CHID1: variants seen among roughly 807,000 people sequenced by gnomAD.
The protein encoded by CHID1 is chitinase domain containing 1, also known as chitinase domain-containing protein 1.
In CHID1, 44 loss-of-function variants were observed where a neutral mutation model predicts 55.4. The ratio of observed to expected loss-of-function variants is 0.79; its 90% CI spans 0.62 to 1.02. The LOEUF is 1.02. Ranked by LOEUF, CHID1 falls within the 50% of genes least tolerant of loss-of-function variation. CHID1 has a pLI of 0.00. For missense variants in CHID1, 491 were observed against 515.3 expected (o/e 0.95, Z 0.46); for synonymous variants, 216 against 212.9 (o/e 1.01, Z -0.13).
In CHID1 at chr11:869,880, T is replaced by G; in HGVS notation, c.1160A>C (p.Asp387Ala). The G allele has an allele frequency of 6.2e-7, 1 of 1,612,928 alleles. No individual in the cohort carries two copies. The highest frequency in any genetic ancestry group is 1.1e-5 in the South Asian group (1 of 91,066). Residue 387 changes from aspartate (D) to alanine (A), a missense_variant, in exon 13 of 13, where the codon GAC becomes GCC. Physicochemically the swap from Asp to Ala is moderately radical, Grantham distance 126. Coordinates refer to ENST00000323578, the MANE Select transcript of CHID1 (RefSeq NM_023947.4). ...CACCTAGAGCAGGTCGTAGAAGTAG[T>G]CCAGGCCCTGGCCCAGCTCCCAGAT... is the stretch of plus-strand genomic sequence containing the variant. ...VSIWELGQGL[D>A]YFYDLL
Position 869,908 on chromosome 11 carries a change from A to G in CHID1, c.1132T>C (p.Ser378Pro). 6.2e-7 allele frequency: 1 copy of G among 1,612,892 alleles called. No homozygotes were observed. Among genetic ancestry groups the G allele is most frequent in the Non-Finnish European group, 8.5e-7 (1 of 1,179,888 alleles). The part of the protein sequence containing the change: ...ELARELGVGV[S>P]IWELGQGLDY... ...AGGCCCTGGCCCAGCTCCCAGATAG[A>G]GACCCCAACGCCCAGCTCCCGGGCC... Residue 378 changes from serine (S) to proline (P), a missense_variant, in exon 13 of 13, where the codon TCT becomes CCT. Physicochemically the swap from Ser to Pro is moderately conservative, Grantham distance 74. Transcript: ENST00000323578.
chr11:879,950 C>T (rs1456146006), intron 10 of CHID1, among the ~76,000 whole-genome samples: 1 of 152,216 alleles, frequency 6.6e-6, no homozygotes, highest in African/African-American at 2.4e-5. Context: ...CCAGAGCCTT[C>T]CCAGGATTCC....
chr11:887,746 G>T (rs1046330087), intron 8 of CHID1, among the ~76,000 whole-genome samples: 1 of 152,142 alleles, frequency 6.6e-6, no homozygotes, highest in Non-Finnish European at 1.5e-5. Context: ...AGACATGTGG[G>T]GTCCTGCCGT....
intron 5 of CHID1, among the ~76,000 whole-genome samples, chr11:900,660 G>A (rs747234448): frequency 1.3e-5 from 2 of 152,158 alleles, no homozygotes; most frequent in Admixed American, 6.5e-5. Context: ...AATGAAGGAA[G>A]AAATGGGATT....
At chr11:874,042 G>A (rs1849341354) in intron 10 of CHID1, among the ~76,000 whole-genome samples, 1 of 152,160 alleles carries the variant, frequency 6.6e-6, no homozygotes, top group African/African-American at 2.4e-5. Context: ...TGTGTGTGGG[G>A]GGCGTCACCC....
rs753729194 is a variant in CHID1, at chr11:904,825, T to C, written c.-9A>G. ...TTGAAGAGTGTCCGCATGGTAGGTG[T>C]GTCACAGTAGGGTCCAACCTCGGGG... On this transcript the variant is annotated 5_prime_UTR_variant, in exon 2 of 13. Coordinates refer to ENST00000323578, the MANE Select transcript of CHID1 (RefSeq NM_023947.4). 6.2e-7 allele frequency: 1 copy of C among 1,613,616 alleles called. No homozygotes were observed. Among genetic ancestry groups the C allele is most frequent in the Non-Finnish European group, 8.5e-7 (1 of 1,179,966 alleles).
chr11:889,691 C>CA (rs1850658355), intron 8 of CHID1, among the ~76,000 whole-genome samples: 1 of 152,188 alleles, frequency 6.6e-6, no homozygotes, highest in Admixed American at 6.5e-5. Context: ...AGCCAGGCCC[C>CA]ACAGCAGCCC....
At chr11:885,577 C>G (rs1850330457) in intron 8 of CHID1, among the ~76,000 whole-genome samples, 1 of 152,180 alleles carries the variant, frequency 6.6e-6, no homozygotes, top group Non-Finnish European at 1.5e-5. Context: ...CCATCACTCC[C>G]GGTGGCCTCC....
chr11:895,406 C>T (rs1851187688), intron 7 of CHID1, among the ~76,000 whole-genome samples: 1 of 152,150 alleles, frequency 6.6e-6, no homozygotes, highest in Admixed American at 6.5e-5. Flanking sequence ...AGGTGTGAGT[C>T]AGGTCTACCC....
chr11:887,143 C>A (rs1038766852), intron 8 of CHID1, among the ~76,000 whole-genome samples: 5 of 152,146 alleles, frequency 3.3e-5, no homozygotes, highest in African/African-American at 1.2e-4. Context: ...TCAAGCTCCT[C>A]CTCTCAGCCT....
At chr11:910,275 G>A (rs921308610) in intron 1 of CHID1, among the ~76,000 whole-genome samples, 1 of 152,058 alleles carries the variant, frequency 6.6e-6, no homozygotes, top group East Asian at 1.9e-4. Flanking sequence ...CACGGGGACC[G>A]CGTGCCCCTC....
chr11:884,280 G>A (rs986626997), intron 8 of CHID1, 111 bp from the exon 9 acceptor site: 12 of 740,528 alleles, frequency 1.6e-5, no homozygotes, highest in Non-Finnish European at 2.5e-5. Flanking sequence ...TTTTCCCAAG[G>A]GGAAAAGTGT....
intron 7 of CHID1, among the ~76,000 whole-genome samples, chr11:894,463 C>T (rs2009571850): frequency 6.6e-6 from 1 of 152,160 alleles, no homozygotes; most frequent in Non-Finnish European, 1.5e-5. Flanking sequence ...CATGAGTCTA[C>T]CCTGCAGGTG....
At chr11:871,995 AC>A (rs934299187) in intron 10 of CHID1, among the ~76,000 whole-genome samples, 1 of 151,526 alleles carries the variant, frequency 6.6e-6, no homozygotes, top group South Asian at 2.1e-4. Context: ...AGCAGCTGCC[AC>A]CCCCCCAGCA....
At chr11:914,681 C>T, upstream of CHID1, 4 of 570,332 alleles carry the variant, frequency 7.0e-6, no homozygotes, top group Non-Finnish European at 8.4e-6. Flanking sequence ...TGTGATTGCA[C>T]TGCTGCACTC....
chr11:883,782 G>A (rs1428902836), intron 9 of CHID1, among the ~76,000 whole-genome samples: 4 of 152,258 alleles, frequency 2.6e-5, no homozygotes, highest in Admixed American at 1.3e-4. Flanking sequence ...TGGCTCAGGC[G>A]AAAGAGGACA....
chr11:880,705 C>T lies in CHID1; in HGVS notation c.959+2443G>A, dbSNP rs115589930. On this transcript the variant is annotated intron_variant, in intron 10 of 12. Transcript: ENST00000323578. ...ATCAGGGGTGATGGCCTGGCCTCGG[C>T]TCACCTGCCTGGGCTGACACACGCA... is the stretch of plus-strand genomic sequence containing the variant. 1.6e-3 allele frequency among the ~76,000 whole-genome samples: 251 copies of T among 152,222 alleles called. 4 individuals carry two copies. The highest frequency in any genetic ancestry group is 5.9e-3 in the African/African-American group (243 of 41,528).
At chr11:890,496 C>T (rs569050155) in intron 8 of CHID1, among the ~76,000 whole-genome samples, 12 of 152,328 alleles carry the variant, frequency 7.9e-5, no homozygotes, top group South Asian at 6.2e-4. Flanking sequence ...ACAACAAGGC[C>T]GGCAACGGCG....
chr11:872,861 G>A (rs953756379), intron 10 of CHID1, among the ~76,000 whole-genome samples: 1 of 152,172 alleles, frequency 6.6e-6, no homozygotes, highest in African/African-American at 2.4e-5. Context: ...CCTCCTGGGG[G>A]GCCTCTGTGG....
Sources: allele counts gnomAD v4.1 joint callset (sites outside exome capture counted in the v4.1 genomes callset), GRCh38; gene constraint gnomAD v4.1.1; transcripts MANE v1.5; gene names NCBI Gene and HGNC (gene_info 2026-07-23, HGNC 2026-07-21).